The following PCDHA13 variants were observed in gnomAD, a reference collection of about 807,000 sequenced individuals.
PCDHA13 encodes protocadherin alpha 13.
A neutral mutation model predicts 64.8 loss-of-function variants in PCDHA13; 54 were observed. The observed-to-expected ratio is 0.83, with a 90% confidence interval of 0.67 to 1.04. PCDHA13 has a LOEUF of 1.04. Among genes scored for constraint, PCDHA13 ranks in the 50% least tolerant of loss-of-function variants. PCDHA13 has a pLI of 0.00. For synonymous variants in PCDHA13, 587 were observed against 564.4 expected, an observed-to-expected ratio of 1.04 and a Z score of -0.57; for missense variants, 1,248 against 1,254.3, an observed-to-expected ratio of 0.99 and a Z score of 0.08.
At chr5:140,986,954 C>T (rs2097219916) in intron 3 of PCDHA13, among the ~76,000 whole-genome samples, 1 of 152,154 alleles carries the variant, frequency 6.6e-6, no homozygotes, top group African/African-American at 2.4e-5. Context: ...TCGCTCATGC[C>T]TGTAATTCCA....
chr5:140,967,012 G>C (rs1554229065), intron 1 of PCDHA13: 1 of 1,606,656 alleles, frequency 6.2e-7, no homozygotes, highest in African/African-American at 1.3e-5. Flanking sequence ...TCAACCATCT[G>C]GGTGCGCCCA....
intron 1 of PCDHA13, among the ~76,000 whole-genome samples, chr5:140,919,029 A>C (rs1474107507): frequency 6.6e-6 from 1 of 152,126 alleles, no homozygotes; most frequent in Non-Finnish European, 1.5e-5. Flanking sequence ...TCTTCTGCCT[A>C]GTTGTTGTCC....
At chr5:140,907,927 T>C (rs970960629) in intron 1 of PCDHA13, among the ~76,000 whole-genome samples, 14 of 152,220 alleles carry the variant, frequency 9.2e-5, no homozygotes, top group Admixed American at 9.2e-4. Flanking sequence ...GAGAGGTCCA[T>C]TCACATACCT....
At chr5:140,914,761 G>A (rs2076826214) in intron 1 of PCDHA13, among the ~76,000 whole-genome samples, 1 of 151,734 alleles carries the variant, frequency 6.6e-6, no homozygotes, top group Non-Finnish European at 1.5e-5. Context: ...GAGGTTACAT[G>A]AGGTTTATGA....
intron 3 of PCDHA13, among the ~76,000 whole-genome samples, chr5:141,005,737 G>GATGAGAA (rs1365089563): frequency 2.8e-5 from 4 of 143,576 alleles, no homozygotes; most frequent in Non-Finnish European, 6.0e-5. Context: ...AAAAAGAATG[G>GATGAGAA]ATGAGAAATC....
intron 3 of PCDHA13, among the ~76,000 whole-genome samples, chr5:140,983,909 C>G (rs2097076070): frequency 6.6e-6 from 1 of 152,226 alleles, no homozygotes. Flanking sequence ...TGATTCTAAT[C>G]AGCCAGGATT....
At chr5:140,996,275 C>T (rs534624070) in intron 3 of PCDHA13, among the ~76,000 whole-genome samples, 43 of 152,224 alleles carry the variant, frequency 2.8e-4, no homozygotes, top group African/African-American at 8.7e-4. Flanking sequence ...GGGATTGCTG[C>T]CAAATTTCAA....
In PCDHA13 at chr5:140,882,339, G is replaced by A. The variant is rs1554173610; in HGVS notation, c.71G>A (p.Trp24Ter). 6.2e-7 allele frequency: 1 copy of A among 1,614,162 alleles called. No individual in the cohort carries two copies. Among genetic ancestry groups the A allele is most frequent in the Admixed American group, 1.7e-5 (1 of 60,028 alleles). The stretch of plus-strand genomic sequence containing the variant: ...CTCTGGCTTCTGATCCTCGCAGCCT[G>A]GGAGACGGGTAGTGGCCAGCTCCAC... ...LLLWLLILAAWETGSGQLHYS... is the reference protein window; with the variant it reads ...LLLWLLILAA Residue 24 changes from tryptophan to a stop codon, truncating the protein, a stop_gained, in exon 1 of 4, where the codon TGG (tryptophan) becomes TAG (stop). Coordinates refer to ENST00000289272, the MANE Select transcript of PCDHA13 (RefSeq NM_018904.3). LOFTEE classifies it high-confidence loss of function.
intron 1 of PCDHA13, among the ~76,000 whole-genome samples, chr5:140,905,945 T>C (rs2072222090): frequency 6.6e-6 from 1 of 152,150 alleles, no homozygotes; most frequent in Non-Finnish European, 1.5e-5. Flanking sequence ...GAACTTGGAA[T>C]CCGATGTTCA....
At chr5:140,975,511 A>T (rs1236558069) in intron 1 of PCDHA13, among the ~76,000 whole-genome samples, 2 of 152,212 alleles carry the variant, frequency 1.3e-5, no homozygotes, top group African/African-American at 4.8e-5. Flanking sequence ...CACTATGCAA[A>T]ATCTGCAGTG....
chr5:140,882,481 C>A lies in PCDHA13; in HGVS notation c.213C>A (p.His71Gln). Residue 71 changes from histidine (H) to glutamine (Q), a missense_variant, in exon 1 of 4, where the codon CAC becomes CAA. Physicochemically the swap from His to Gln is conservative, Grantham distance 24 (BLOSUM62 0). Transcript: ENST00000289272. The part of the protein sequence containing the change: ...PRLFRVASKR[H>Q]GDLLEVNLQN... Reference sequence around the variant, plus strand: ...TGTTCCGGGTGGCGTCCAAAAGACACGGGGACCTTCTGGAGGTAAATCTGC... The same window carrying A: ...TGTTCCGGGTGGCGTCCAAAAGACAAGGGGACCTTCTGGAGGTAAATCTGC... 6.2e-7 allele frequency: 1 copy of A among 1,614,038 alleles called. No individual in the cohort carries two copies. Among genetic ancestry groups the A allele is most frequent in the Non-Finnish European group, 8.5e-7 (1 of 1,180,032 alleles).
At chr5:140,945,142 A>G (rs2093746990) in intron 1 of PCDHA13, among the ~76,000 whole-genome samples, 1 of 152,184 alleles carries the variant, frequency 6.6e-6, no homozygotes. Context: ...AATCAATAGC[A>G]TTTCTATACA....
intron 1 of PCDHA13, among the ~76,000 whole-genome samples, chr5:140,975,576 C>G (rs1170899911): frequency 6.6e-6 from 1 of 152,208 alleles, no homozygotes; most frequent in Non-Finnish European, 1.5e-5. Flanking sequence ...TATATGCAGT[C>G]TCATGTCCCA....
Position 140,884,013 on chromosome 5 carries a change from C to T in PCDHA13, c.1745C>T (p.Pro582Leu), listed in dbSNP as rs148971741. The T allele has an allele frequency of 5.1e-5, 82 of 1,613,132 alleles. No homozygotes were observed. The African/African-American group carries it at 9.2e-4, about 18-fold the overall frequency. The change falls in exon 1 of 4, where the codon CCG becomes CTG. Residue 582 changes from proline (P) to leucine (L), a missense_variant. By Grantham distance (98) the Pro-to-Leu change is moderately conservative. Transcript: ENST00000289272. ...SAGGTVSELM[P>L]RSVGAGHVVA... is the part of the protein sequence containing the mutation. ...GGAGGCACAGTGAGCGAGCTGATGC[C>T]GCGGTCGGTGGGTGCAGGCCACGTG...
chr5:141,009,269 A>G (rs2098404104), intron 3 of PCDHA13, among the ~76,000 whole-genome samples: 1 of 152,140 alleles, frequency 6.6e-6, no homozygotes, highest in Non-Finnish European at 1.5e-5. Flanking sequence ...AGCCTGGGCA[A>G]CATAGTGAGA....
chr5:140,916,979 G>A (rs1280720524), intron 1 of PCDHA13, among the ~76,000 whole-genome samples: 1 of 152,144 alleles, frequency 6.6e-6, no homozygotes, highest in African/African-American at 2.4e-5. Flanking sequence ...TGAGTGATTC[G>A]CCTCTGGCCA....
chr5:140,976,776 C>T (rs1554237952), intron 1 of PCDHA13, among the ~76,000 whole-genome samples: 1 of 152,184 alleles, frequency 6.6e-6, no homozygotes. Context: ...TAGACTCTGA[C>T]TATATAGCTA....
intron 3 of PCDHA13, among the ~76,000 whole-genome samples, chr5:140,995,774 G>A (rs2097697505): frequency 1.3e-5 from 2 of 151,968 alleles, no homozygotes; most frequent in Admixed American, 1.3e-4. Context: ...GAGAGTGAAG[G>A]GCAGGTTTAA....
intron 1 of PCDHA13, among the ~76,000 whole-genome samples, chr5:140,895,167 T>G (rs1289758040): frequency 6.6e-6 from 1 of 152,186 alleles, no homozygotes; most frequent in African/African-American, 2.4e-5. Flanking sequence ...CAATCCAATC[T>G]ATTTGTAGTC....
Sources: gnomAD v4.1 joint callset for allele counts (sites outside exome capture counted in the v4.1 genomes callset) on GRCh38, gnomAD v4.1.1 for gene constraint, MANE v1.5 for transcripts, NCBI Gene and HGNC (gene_info 2026-07-23, HGNC 2026-07-21) for gene names.